Variants in DSCAM observed in about 807,000 individuals in gnomAD.
The protein encoded by DSCAM is DS cell adhesion molecule, also known as cell adhesion molecule DSCAM.
In DSCAM, 47 loss-of-function variants were observed where a neutral mutation model predicts 217.7. That is an observed-to-expected ratio of 0.22 (90% CI 0.17 to 0.28). The LOEUF (loss-of-function observed/expected upper bound fraction) is 0.28, where lower values mean the gene tolerates loss of function less well. Among genes scored for constraint, DSCAM ranks in the 10% least tolerant of loss-of-function variants. The pLI is 1.00. For synonymous variants in DSCAM, 1,056 were observed against 1,015.3 expected (o/e 1.04, Z -0.76); for missense variants, 2,080 against 2,618.3 (o/e 0.79, Z 4.49).
At chr21:40,170,104 A>G (rs2090639720) in intron 15 of DSCAM, among the ~76,000 whole-genome samples, 1 of 151,878 alleles carries the variant, frequency 6.6e-6, no homozygotes, top group Non-Finnish European at 1.5e-5. Flanking sequence ...CGCACTCCCT[A>G]TGCACCCTGT....
chr21:40,325,463 T>C (rs2074307366), intron 8 of DSCAM, among the ~76,000 whole-genome samples: 1 of 152,144 alleles, frequency 6.6e-6, no homozygotes, highest in Admixed American at 6.5e-5. Context: ...CATGAGCTCA[T>C]AAATTTCTTA....
intron 10 of DSCAM, among the ~76,000 whole-genome samples, chr21:40,280,235 G>C (rs1013481143): frequency 6.7e-6 from 1 of 148,966 alleles, no homozygotes; most frequent in Non-Finnish European, 1.5e-5. Flanking sequence ...AGGTTGGAGG[G>C]CAGTGACACC....
intron 3 of DSCAM, among the ~76,000 whole-genome samples, chr21:40,681,958 C>CCCGCAGCCCTCTGAGTCAGCACAG (rs1386853245): frequency 1.3e-5 from 2 of 152,142 alleles, no homozygotes; most frequent in East Asian, 3.9e-4. Flanking sequence ...AGAGACCCTC[C>CCCGCAGCCCTCTGAGTCAGCACAG]CCGCAGCCCT....
intron 3 of DSCAM, among the ~76,000 whole-genome samples, chr21:40,405,385 T>C (rs865928277): frequency 6.6e-6 from 1 of 152,290 alleles, no homozygotes; most frequent in East Asian, 1.9e-4. Flanking sequence ...GGGGTAAGCA[T>C]TAGTGATATA....
At position 40,314,498 on chromosome 21, in the gene DSCAM, C is replaced by T. The variant is rs530443746; in HGVS notation, c.1784-2139G>A. Among the ~76,000 whole-genome samples, 5 of 152,258 alleles carry T rather than the reference C, an allele frequency of 3.3e-5. No individual in the cohort carries two copies. In the South Asian group the frequency reaches 6.2e-4, roughly 19 times the overall value. ...GAATCGGGTCAGACTGAGGTATGAA[C>T]GTTCTCAGTTGGAATGTGCTGGAGA... On this transcript the variant is annotated intron_variant, in intron 8 of 32. Transcript: ENST00000400454.
At chr21:40,614,992 A>G (rs989996911) in intron 3 of DSCAM, among the ~76,000 whole-genome samples, 2 of 151,394 alleles carry the variant, frequency 1.3e-5, no homozygotes, top group Admixed American at 6.6e-5. Context: ...ATGCATGTGC[A>G]CACACACACA....
At chr21:40,666,537 C>T (rs2090202044) in intron 3 of DSCAM, among the ~76,000 whole-genome samples, 1 of 152,240 alleles carries the variant, frequency 6.6e-6, no homozygotes, top group Middle Eastern at 3.2e-3. Context: ...TCTTCCTCAC[C>T]TTGCATGGGC....
intron 3 of DSCAM, among the ~76,000 whole-genome samples, chr21:40,525,831 C>T (rs2146098231): frequency 6.6e-6 from 1 of 152,286 alleles, no homozygotes; most frequent in Middle Eastern, 3.4e-3. Context: ...ACTGAAAACC[C>T]CTGTGGCCTT....
At chr21:40,394,820 C>T (rs1287987083) in intron 3 of DSCAM, among the ~76,000 whole-genome samples, 1 of 152,158 alleles carries the variant, frequency 6.6e-6, no homozygotes, top group African/African-American at 2.4e-5. Flanking sequence ...CCAGTTCAGA[C>T]TTGGATCCTT....
chr21:40,431,872 TG>T (rs2075536054), intron 3 of DSCAM, among the ~76,000 whole-genome samples: 1 of 152,196 alleles, frequency 6.6e-6, no homozygotes, highest in Non-Finnish European at 1.5e-5. Context: ...ACCAACTTAG[TG>T]GCTTAAAGCA....
intron 3 of DSCAM, among the ~76,000 whole-genome samples, chr21:40,606,587 G>A (rs927121082): frequency 6.6e-6 from 1 of 152,218 alleles, no homozygotes; most frequent in Non-Finnish European, 1.5e-5. Flanking sequence ...CCAAACGGGT[G>A]CATGGGAGTT....
intron 11 of DSCAM, among the ~76,000 whole-genome samples, chr21:40,207,583 C>T (rs1460467719): frequency 6.6e-6 from 1 of 152,164 alleles, no homozygotes. Context: ...TTAGGCACAA[C>T]ATAAATGTTC....
chr21:40,326,281 A>G (rs767812457), intron 8 of DSCAM, among the ~76,000 whole-genome samples: 37 of 152,222 alleles, frequency 2.4e-4, no homozygotes, highest in Admixed American at 4.6e-4. Context: ...GTCCCAAACC[A>G]TGGCTCAACA....
intron 18 of DSCAM, among the ~76,000 whole-genome samples, chr21:40,137,795 G>C (rs983085540): frequency 6.6e-6 from 1 of 152,108 alleles, no homozygotes; most frequent in Non-Finnish European, 1.5e-5. Flanking sequence ...CATCCTCAGA[G>C]GGTTTTAAGG....
intron 2 of DSCAM, among the ~76,000 whole-genome samples, chr21:40,702,076 C>A (rs1007593717): frequency 2.0e-5 from 3 of 152,088 alleles, no homozygotes; most frequent in African/African-American, 7.2e-5. Context: ...CATTGCAGTT[C>A]TATCCATTTT....
At chr21:40,424,149 G>A (rs553040203) in intron 3 of DSCAM, among the ~76,000 whole-genome samples, 12 of 152,228 alleles carry the variant, frequency 7.9e-5, no homozygotes, top group African/African-American at 2.4e-4. Flanking sequence ...GCAGCATGAC[G>A]TACCTTTTAA....
chr21:40,213,281 G>A (rs564660068), intron 11 of DSCAM, among the ~76,000 whole-genome samples: 3 of 152,268 alleles, frequency 2.0e-5, no homozygotes, highest in African/African-American at 7.2e-5. Context: ...CAGAAGCATG[G>A]ACATAATAAG....
At chr21:40,796,265 C>A (rs736977) in intron 1 of DSCAM, among the ~76,000 whole-genome samples, 68,573 of 152,012 alleles carry the variant, frequency 0.45, 17,299 homozygotes, top group South Asian at 0.65. Context: ...GACATGACAT[C>A]GGCAAATCCG....
intron 24 of DSCAM, among the ~76,000 whole-genome samples, chr21:40,082,403 T>C (rs898514851): frequency 1.3e-5 from 2 of 152,192 alleles, no homozygotes; most frequent in African/African-American, 4.8e-5. Context: ...GAGGTTGCAG[T>C]GAGCCGAGAT....
Sources: allele counts gnomAD v4.1 joint callset (sites outside exome capture counted in the v4.1 genomes callset), GRCh38; gene constraint gnomAD v4.1.1; transcripts MANE v1.5; gene names NCBI Gene and HGNC (gene_info 2026-07-23, HGNC 2026-07-21).